The following PRDM16 variants were observed in gnomAD, a reference collection of about 807,000 sequenced individuals.
PRDM16 encodes PR/SET domain 16, also known as histone-lysine N-methyltransferase PRDM16.
Under a neutral mutation model 110.6 loss-of-function variants are expected in PRDM16, and 23 were observed. That is an observed-to-expected ratio of 0.21 (90% confidence interval 0.15 to 0.29). PRDM16 has a LOEUF of 0.29. Ranked by LOEUF, PRDM16 falls within the 10% of genes least tolerant of loss-of-function variation. The pLI is 1.00. For synonymous variants in PRDM16, 799 were observed against 781.8 expected (o/e 1.02, Z -0.37); for missense variants, 1,615 against 1,794.3 (o/e 0.90, Z 1.81).
At chr1:3,070,595 G>A (rs1641728976) in intron 1 of PRDM16, among the ~76,000 whole-genome samples, 1 of 72,928 alleles carries the variant, frequency 1.4e-5, no homozygotes, top group Admixed American at 2.1e-4. Context: ...GTCCCCGCCC[G>A]ACCCACGCCG....
chr1:3,207,922 C>T (rs959757772), intron 2 of PRDM16: 2 of 152,304 alleles, frequency 1.3e-5, no homozygotes, highest in Non-Finnish European at 2.9e-5. Flanking sequence ...CATAAAGCAG[C>T]TGCTGGCACA....
intron 3 of PRDM16, among the ~76,000 whole-genome samples, chr1:3,356,426 C>T (rs919961139): frequency 2.6e-5 from 4 of 152,332 alleles, no homozygotes; most frequent in East Asian, 1.9e-4. Context: ...ATCTGCCCTC[C>T]GGGGAGACGG....
chr1:3,430,478 C>T (rs954128422), intron 14 of PRDM16, among the ~76,000 whole-genome samples: 64 of 152,354 alleles, frequency 4.2e-4, no homozygotes, highest in East Asian at 7.7e-4. Context: ...GAATTCCTTC[C>T]CCCTGAAGTC....
intron 3 of PRDM16, among the ~76,000 whole-genome samples, chr1:3,316,339 C>T (rs1641600736): frequency 6.6e-6 from 1 of 152,162 alleles, no homozygotes; most frequent in South Asian, 2.1e-4. Flanking sequence ...CTTTTCATTT[C>T]TTAAGGCAGG....
chr1:3,097,095 G>A (rs879473888), intron 1 of PRDM16, among the ~76,000 whole-genome samples: 1 of 152,008 alleles, frequency 6.6e-6, no homozygotes, highest in Admixed American at 6.6e-5. Context: ...GCTTCACCCA[G>A]GCCGGGATTC....
At chr1:3,371,054 A>C (rs1569593107) in intron 3 of PRDM16, among the ~76,000 whole-genome samples, 1 of 151,010 alleles carries the variant, frequency 6.6e-6, no homozygotes, top group South Asian at 2.1e-4. Context: ...TCATCCATCC[A>C]CCCACCCATC....
At chr1:3,362,297 C>A (rs1047596511) in intron 3 of PRDM16, among the ~76,000 whole-genome samples, 2 of 151,898 alleles carry the variant, frequency 1.3e-5, no homozygotes, top group African/African-American at 2.4e-5. Context: ...GCATAGCGGG[C>A]ACGTGGTGTG....
At chr1:3,094,405 A>G (rs734374) in intron 1 of PRDM16, among the ~76,000 whole-genome samples, 1 of 152,074 alleles carries the variant, frequency 6.6e-6, no homozygotes, top group South Asian at 2.1e-4. Flanking sequence ...CCCAAGGTCA[A>G]TGCTGGCCCG....
intron 1 of PRDM16, among the ~76,000 whole-genome samples, chr1:3,183,190 G>A (rs1457465443): frequency 1.3e-5 from 2 of 152,198 alleles, no homozygotes; most frequent in Non-Finnish European, 2.9e-5. Flanking sequence ...TGGTAGGCCA[G>A]TGAAAAGATG....
intron 3 of PRDM16, among the ~76,000 whole-genome samples, chr1:3,276,221 C>G (rs574476473): frequency 1.3e-5 from 2 of 152,362 alleles, no homozygotes; most frequent in South Asian, 4.1e-4. Flanking sequence ...GAGTCACTTC[C>G]CAAGAGAGGT....
intron 1 of PRDM16, among the ~76,000 whole-genome samples, chr1:3,153,188 C>T (rs912001780): frequency 3.9e-5 from 6 of 152,220 alleles, no homozygotes; most frequent in African/African-American, 1.2e-4. Flanking sequence ...GAGGGATCTG[C>T]AGCCCTCCTC....
At chr1:3,075,473 T>TA (rs1453854114) in intron 1 of PRDM16, among the ~76,000 whole-genome samples, 2 of 152,398 alleles carry the variant, frequency 1.3e-5, no homozygotes, top group East Asian at 3.9e-4. Flanking sequence ...GAAAAATGTA[T>TA]AAAATCAGCT....
chr1:3,325,374 G>A (rs1347611256), intron 3 of PRDM16, among the ~76,000 whole-genome samples: 7 of 152,190 alleles, frequency 4.6e-5, no homozygotes, highest in African/African-American at 2.4e-5. Context: ...GGAGATGAAC[G>A]CAGGGGATGC....
At chr1:3,131,378 T>C (rs2100684038) in intron 1 of PRDM16, among the ~76,000 whole-genome samples, 1 of 152,334 alleles carries the variant, frequency 6.6e-6, no homozygotes, top group South Asian at 2.1e-4. Context: ...TAACCTTTAA[T>C]TCTTCCTGTG....
chr1:3,111,780 A>T (rs928811941), intron 1 of PRDM16, among the ~76,000 whole-genome samples: 1 of 152,186 alleles, frequency 6.6e-6, no homozygotes, highest in Non-Finnish European at 1.5e-5. Flanking sequence ...CCAGCGCCAC[A>T]TCAGGCGACA....
intron 2 of PRDM16, among the ~76,000 whole-genome samples, chr1:3,239,935 T>G (rs1569904088): frequency 3.7e-5 from 5 of 134,306 alleles, no homozygotes; most frequent in East Asian, 2.2e-4. Context: ...AGGCTGGGGG[T>G]GGGCGGGGAG....
At chr1:3,405,824 C>T (rs965946410) in intron 8 of PRDM16, among the ~76,000 whole-genome samples, 176 bp downstream of exon 8, 8 of 152,214 alleles carry the variant, frequency 5.3e-5, no homozygotes, top group Non-Finnish European at 1.2e-4. Flanking sequence ...CCCCGGCAGG[C>T]ACCCTCTGAG....
At chr1:3,076,669 G>A (rs1641908312) in intron 1 of PRDM16, among the ~76,000 whole-genome samples, 1 of 152,222 alleles carries the variant, frequency 6.6e-6, no homozygotes, top group African/African-American at 2.4e-5. Flanking sequence ...TTAGCTGGAG[G>A]CCAGGGGCCA....
At chr1:3,275,966 C>T (rs1043882097) in intron 3 of PRDM16, among the ~76,000 whole-genome samples, 2 of 152,230 alleles carry the variant, frequency 1.3e-5, no homozygotes, top group African/African-American at 4.8e-5. Context: ...TGGGTCTGTG[C>T]ACTCCAGCAC....
Sources: allele counts gnomAD v4.1 joint callset (sites outside exome capture counted in the v4.1 genomes callset), GRCh38; gene constraint gnomAD v4.1.1; transcripts MANE v1.5; gene names NCBI Gene and HGNC (gene_info 2026-07-23, HGNC 2026-07-21).